Variants in OCM observed in about 807,000 individuals in gnomAD.
OCM encodes oncomodulin.
A neutral mutation model predicts 14.1 loss-of-function variants in OCM; 18 were observed. The ratio of observed to expected loss-of-function variants is 1.28; its 90% CI spans 0.88 to 1.89. The LOEUF (loss-of-function observed/expected upper bound fraction) is 1.89, where lower values mean the gene tolerates loss of function less well. OCM is among the 40% of genes most tolerant of loss of function. The probability of loss-of-function intolerance (pLI) is 0.00; values close to 1 mark genes in which losing one functional copy is unlikely to be tolerated. For missense variants in OCM, 140 were observed against 137.6 expected, an observed-to-expected ratio of 1.02 and a Z score of -0.09; for synonymous variants, 48 against 51.0, an observed-to-expected ratio of 0.94 and a Z score of 0.25.
At chr7:5,871,556 C>T in the OCM span, among the ~76,000 whole-genome samples, 8 of 152,096 alleles carry the variant, frequency 5.3e-5, no homozygotes, top group African/African-American at 9.6e-5. Context: ...TTAAATGACA[C>T]GACATCATAT....
At chr7:5,862,730 C>T in the OCM span, among the ~76,000 whole-genome samples, 2 of 151,990 alleles carry the variant, frequency 1.3e-5, no homozygotes, top group African/African-American at 2.4e-5. Flanking sequence ...ATGAATGCAT[C>T]ACAGACTCTA....
chr7:5,870,045 G>A, the OCM span, among the ~76,000 whole-genome samples: 3 of 152,012 alleles, frequency 2.0e-5, no homozygotes, highest in Admixed American at 1.3e-4. Context: ...TGTTTTCTTC[G>A]TTATTATATA....
At chr7:5,880,630 G>A (rs751478757), upstream of OCM, among the ~76,000 whole-genome samples, 3 of 152,030 alleles carry the variant, frequency 2.0e-5, no homozygotes, top group Admixed American at 1.3e-4. Context: ...ATGGTAGTGC[G>A]CACCTGTAAT....
the OCM span, among the ~76,000 whole-genome samples, chr7:5,869,773 C>T: frequency 1.1e-4 from 17 of 152,092 alleles, no homozygotes; most frequent in East Asian, 3.9e-4. Flanking sequence ...ATAATCCGCA[C>T]GTGCTTGCCC....
chr7:5,878,493 T>A (rs542459766), upstream of OCM, among the ~76,000 whole-genome samples: 1 of 151,040 alleles, frequency 6.6e-6, no homozygotes, highest in East Asian at 2.0e-4. Flanking sequence ...ACGCCTGTAA[T>A]CCCAGCACTT....
the OCM span, among the ~76,000 whole-genome samples, chr7:5,864,358 A>AG: frequency 6.6e-6 from 1 of 151,622 alleles, no homozygotes; most frequent in Admixed American, 6.6e-5. Flanking sequence ...AAAAAAAAAA[A>AG]AAAGGAAGAA....
intron 3 of OCM, among the ~76,000 whole-genome samples, chr7:5,885,495 C>T (rs1462915445): frequency 6.6e-6 from 1 of 152,058 alleles, no homozygotes; most frequent in Non-Finnish European, 1.5e-5. Context: ...AATTCAAAGA[C>T]CTCTATTGCA....
At chr7:5,863,245 C>A in the OCM span, among the ~76,000 whole-genome samples, 2 of 152,202 alleles carry the variant, frequency 1.3e-5, no homozygotes, top group Non-Finnish European at 2.9e-5. Context: ...AGTGAAGTTC[C>A]CAAACCCTCT....
At chr7:5,865,578 C>T in the OCM span, among the ~76,000 whole-genome samples, 21 of 152,260 alleles carry the variant, frequency 1.4e-4, no homozygotes, top group South Asian at 8.3e-4. Context: ...TTTTATTAGG[C>T]TGGTGCAAAA....
the OCM span, among the ~76,000 whole-genome samples, chr7:5,866,723 G>C: frequency 6.6e-6 from 1 of 152,068 alleles, no homozygotes; most frequent in East Asian, 1.9e-4. Flanking sequence ...ATATGTGGTG[G>C]ATACATATTG....
chr7:5,883,895 T>G lies in OCM; in HGVS notation c.200T>G (p.Phe67Cys). The change falls in exon 3 of 4, where the codon TTC becomes TGC. Residue 67 changes from phenylalanine (F) to cysteine (C), a missense_variant. Coordinates refer to ENST00000242104, the MANE Select transcript of OCM (RefSeq NM_001097622.2). ...GGATCTTTATTATCCTGTAGGTTTTTCCTCCAGAAGTTTGAGAGTGGTGCC... is the reference window on the plus strand; with the variant it reads ...GGATCTTTATTATCCTGTAGGTTTTGCCTCCAGAAGTTTGAGAGTGGTGCC... ...GYLDEEELKF[F>C]LQKFESGARE... 1 of 1,612,408 alleles carries G rather than the reference T, an allele frequency of 6.2e-7. No homozygotes were observed. Among genetic ancestry groups the G allele is most frequent in the Non-Finnish European group, 8.5e-7 (1 of 1,178,784 alleles).
At chr7:5,871,660 G>A in the OCM span, 29,745 of 152,054 alleles carry the variant, frequency 0.2, 3,528 homozygotes, top group Admixed American at 0.39. Flanking sequence ...CACTTAGAAA[G>A]CCTGCACACT....
Position 5,882,513 on chromosome 7 carries a change from C to G in OCM, c.82C>G (p.Gln28Glu). The change falls in exon 2 of 4, where the codon CAA becomes GAA. Residue 28 changes from glutamine to glutamate, a missense_variant. Physicochemically the swap from Gln to Glu is conservative, Grantham distance 29 (BLOSUM62 2). Transcript: ENST00000242104. ...ECRDPDTFEP[Q>E]KFFQTSGLSK... The stretch of plus-strand genomic sequence containing the variant: ...TTCAGACCCAGACACTTTTGAACCC[C>G]AAAAATTCTTCCAGACATCAGGCCT... The G allele has an allele frequency of 6.2e-7, 1 of 1,614,114 alleles. No individual in the cohort carries two copies. Among genetic ancestry groups the G allele is most frequent in the African/African-American group, 1.3e-5 (1 of 75,018 alleles).
chr7:5,885,348 C>A (rs955165760), intron 3 of OCM, among the ~76,000 whole-genome samples: 1 of 152,028 alleles, frequency 6.6e-6, no homozygotes, highest in African/African-American at 2.4e-5. Flanking sequence ...CAATACCCAG[C>A]TACGGAATAG....
upstream of OCM, among the ~76,000 whole-genome samples, chr7:5,879,094 G>A (rs1057407362): frequency 8.5e-5 from 13 of 152,080 alleles, no homozygotes; most frequent in Middle Eastern, 3.4e-3. Flanking sequence ...CCAGCTACTC[G>A]GGAGACTGAA....
chr7:5,869,762 C>T, the OCM span, among the ~76,000 whole-genome samples: 2 of 152,122 alleles, frequency 1.3e-5, no homozygotes, highest in African/African-American at 2.4e-5. Flanking sequence ...CCGCCCTGCC[C>T]ATAATCCGCA....
At chr7:5,873,820 T>C in the OCM span, among the ~76,000 whole-genome samples, 2,032 of 152,046 alleles carry the variant, frequency 0.013, 42 homozygotes, top group East Asian at 0.058. Flanking sequence ...TAGGAAGTGA[T>C]GTCTGTTGAG....
chr7:5,876,099 G>C (rs1316093245), upstream of OCM, among the ~76,000 whole-genome samples: 1 of 152,070 alleles, frequency 6.6e-6, no homozygotes, highest in Admixed American at 6.6e-5. Context: ...CCACCTCCCA[G>C]GTTCTAAGTG....
chr7:5,875,197 G>A (rs1238738166), upstream of OCM, among the ~76,000 whole-genome samples: 2 of 151,790 alleles, frequency 1.3e-5, no homozygotes, highest in African/African-American at 4.8e-5. Flanking sequence ...TGGGATTACA[G>A]ACACCCACCA....
Sources: allele counts gnomAD v4.1 joint callset (sites outside exome capture counted in the v4.1 genomes callset), GRCh38; gene constraint gnomAD v4.1.1; transcripts MANE v1.5; gene names NCBI Gene and HGNC (gene_info 2026-07-23, HGNC 2026-07-21).